XKR6: variants seen among roughly 807,000 people sequenced by gnomAD.
XKR6 encodes XK related 6, also known as XK-related protein 6.
In XKR6, 22 loss-of-function variants were observed where a neutral mutation model predicts 56.7. The ratio of observed to expected loss-of-function variants is 0.39; its 90% CI spans 0.28 to 0.55. The LOEUF (loss-of-function observed/expected upper bound fraction) is 0.55, where lower values mean the gene tolerates loss of function less well. XKR6 is among the 20% of genes least tolerant of loss of function. The probability of loss-of-function intolerance (pLI) is 0.66; values close to 1 mark genes in which losing one functional copy is unlikely to be tolerated. For synonymous variants in XKR6, 524 were observed against 387.8 expected, an observed-to-expected ratio of 1.35 and a Z score of -4.13; for missense variants, 852 against 889.0, an observed-to-expected ratio of 0.96 and a Z score of 0.53.
intron 1 of XKR6, among the ~76,000 whole-genome samples, chr8:11,140,321 T>C (rs1253382112): frequency 6.6e-6 from 1 of 152,126 alleles, no homozygotes; most frequent in Non-Finnish European, 1.5e-5. Context: ...AGCTATACAC[T>C]GAGAGAACAT....
intron 1 of XKR6, among the ~76,000 whole-genome samples, chr8:11,152,226 G>A (rs1211863558): frequency 6.6e-6 from 1 of 152,142 alleles, no homozygotes; most frequent in Non-Finnish European, 1.5e-5. Context: ...ACAGGCTGTG[G>A]GGAAGTGTAT....
At chr8:11,140,930 C>A in intron 1 of XKR6, among the ~76,000 whole-genome samples, 1 of 144,694 alleles carries the variant, frequency 6.9e-6, no homozygotes, top group South Asian at 2.2e-4. Context: ...TCCTGAGAAA[C>A]CTCCTAGAGA....
chr8:11,163,850 G>C (rs918091826), intron 1 of XKR6, among the ~76,000 whole-genome samples: 3 of 152,120 alleles, frequency 2.0e-5, no homozygotes, highest in African/African-American at 7.2e-5. Flanking sequence ...TAAATGAAGG[G>C]TTGGAACTTA....
At chr8:11,165,858 T>C (rs1461189141) in intron 1 of XKR6, among the ~76,000 whole-genome samples, 1 of 152,106 alleles carries the variant, frequency 6.6e-6, no homozygotes, top group African/African-American at 2.4e-5. Flanking sequence ...CTATACTATA[T>C]CTCACGTTAC....
At chr8:11,063,957 C>G (rs986551984) in intron 1 of XKR6, among the ~76,000 whole-genome samples, 1 of 152,188 alleles carries the variant, frequency 6.6e-6, no homozygotes, top group Non-Finnish European at 1.5e-5. Context: ...AACTTGCCAT[C>G]GGGTCTGACA....
intron 1 of XKR6, among the ~76,000 whole-genome samples, chr8:11,149,042 A>G (rs778131637): frequency 6.6e-6 from 1 of 152,198 alleles, no homozygotes; most frequent in African/African-American, 2.4e-5. Flanking sequence ...AAAGGCACAT[A>G]AGGAAACTGT....
chr8:11,161,876 G>T (rs965305678), intron 1 of XKR6, among the ~76,000 whole-genome samples: 1 of 152,098 alleles, frequency 6.6e-6, no homozygotes, highest in Non-Finnish European at 1.5e-5. Flanking sequence ...TGAAAGAAGG[G>T]TTAGCTTGCC....
intron 1 of XKR6, among the ~76,000 whole-genome samples, chr8:11,041,281 G>T (rs1349457446): frequency 6.6e-6 from 1 of 152,180 alleles, no homozygotes. Flanking sequence ...CATCAGGCCG[G>T]GCGCGGTGGC....
intron 1 of XKR6, among the ~76,000 whole-genome samples, chr8:11,068,282 G>A (rs375539010): frequency 1.3e-5 from 2 of 152,180 alleles, no homozygotes; most frequent in Non-Finnish European, 2.9e-5. Context: ...GCCTGGGGGC[G>A]GCTATGGTCA....
chr8:11,035,125 G>C, intron 1 of XKR6: 2 of 506,752 alleles, frequency 3.9e-6, no homozygotes, highest in Non-Finnish European at 8.2e-6. Flanking sequence ...TTAAAGGGCT[G>C]CCATGAGGTC....
rs560929066 is a variant in XKR6 at position 10,972,143 on chromosome 8, G to T, written c.765-47313C>A. On this transcript the variant is annotated intron_variant, in intron 1 of 2. Coordinates refer to ENST00000416569, the MANE Select transcript of XKR6 (RefSeq NM_173683.4). ...GCCTTCCGACCCCGACTGCTTGGGG[G>T]TTCATCCGGGCCCAGCTGGGGCCTC... is the stretch of plus-strand genomic sequence containing the variant. Among the ~76,000 whole-genome samples, 18 of 152,206 alleles carry T rather than the reference G, an allele frequency of 1.2e-4. No individual in the cohort carries two copies. The South Asian group carries it at 1.9e-3, about 16-fold the overall frequency.
intron 1 of XKR6, among the ~76,000 whole-genome samples, chr8:10,966,469 C>T (rs992503339): frequency 3.9e-5 from 6 of 151,964 alleles, no homozygotes; most frequent in African/African-American, 1.5e-4. Flanking sequence ...GTCAGGAGAT[C>T]GAGACCATCC....
At chr8:11,134,964 G>C (rs1800305944) in intron 1 of XKR6, among the ~76,000 whole-genome samples, 1 of 151,828 alleles carries the variant, frequency 6.6e-6, no homozygotes, top group Non-Finnish European at 1.5e-5. Context: ...TAAAAAGGCT[G>C]GCTACAAATT....
At chr8:11,183,460 C>T (rs544090041) in intron 1 of XKR6, among the ~76,000 whole-genome samples, 4 of 151,746 alleles carry the variant, frequency 2.6e-5, no homozygotes, top group African/African-American at 7.3e-5. Flanking sequence ...TACAGGCATG[C>T]GCCACCACAC....
At chr8:11,184,609 C>A (rs1055654864) in intron 1 of XKR6, among the ~76,000 whole-genome samples, 3 of 152,118 alleles carry the variant, frequency 2.0e-5, no homozygotes, top group Non-Finnish European at 4.4e-5. Context: ...ACAAAACATA[C>A]TGACCTGTTT....
At chr8:10,959,119 G>C (rs1347282288) in intron 1 of XKR6, among the ~76,000 whole-genome samples, 1 of 152,180 alleles carries the variant, frequency 6.6e-6, no homozygotes, top group Non-Finnish European at 1.5e-5. Context: ...GGGGTCCCTG[G>C]ACTGAGCTCA....
chr8:11,101,649 ACT>A (rs1278440325), intron 1 of XKR6, among the ~76,000 whole-genome samples: 2 of 152,048 alleles, frequency 1.3e-5, no homozygotes, highest in East Asian at 1.9e-4. Flanking sequence ...CTTGGTGGAA[ACT>A]CTCACAGGAG....
intron 1 of XKR6, among the ~76,000 whole-genome samples, chr8:11,072,842 G>A (rs1800168249): frequency 6.6e-6 from 1 of 151,814 alleles, no homozygotes; most frequent in African/African-American, 2.4e-5. Context: ...TTGAGGTCAG[G>A]GGTTTGAGAC....
At chr8:10,967,029 C>T (rs774977265) in intron 1 of XKR6, among the ~76,000 whole-genome samples, 21 of 152,008 alleles carry the variant, frequency 1.4e-4, no homozygotes, top group Non-Finnish European at 2.9e-4. Flanking sequence ...CAGCATCTTC[C>T]GGGAGCTGGT....
Sources: gnomAD v4.1 joint callset for allele counts (sites outside exome capture counted in the v4.1 genomes callset) on GRCh38, gnomAD v4.1.1 for gene constraint, MANE v1.5 for transcripts, NCBI Gene and HGNC (gene_info 2026-07-23, HGNC 2026-07-21) for gene names.